DIPK1A: variants seen among roughly 807,000 people sequenced by gnomAD.
DIPK1A encodes the protein family with sequence similarity 69 member A.
A neutral mutation model predicts 40.8 loss-of-function variants in DIPK1A; 27 were observed. The observed-to-expected ratio is 0.66, with a 90% CI of 0.49 to 0.91. DIPK1A has a LOEUF of 0.91. Ranked by LOEUF, DIPK1A falls within the 40% of genes least tolerant of loss-of-function variation. DIPK1A has a pLI of 0.00. For missense variants in DIPK1A, 412 were observed against 505.7 expected, an observed-to-expected ratio of 0.81 and a Z score of 1.78; for synonymous variants, 166 against 171.3, an observed-to-expected ratio of 0.97 and a Z score of 0.24.
chr1:92,920,646 A>G (rs1650235158), intron 1 of DIPK1A, among the ~76,000 whole-genome samples: 2 of 152,210 alleles, frequency 1.3e-5, no homozygotes, highest in African/African-American at 4.8e-5. Context: ...TAGAAGATTA[A>G]CAGATGTTTT....
chr1:92,866,236 C>T (rs533235764), intron 2 of DIPK1A, among the ~76,000 whole-genome samples: 4 of 152,096 alleles, frequency 2.6e-5, no homozygotes, highest in Non-Finnish European at 4.4e-5. Context: ...TGAGTAGCTG[C>T]GATTATAGGC....
intron 1 of DIPK1A, among the ~76,000 whole-genome samples, chr1:92,881,077 G>A (rs1648349837): frequency 7.2e-6 from 1 of 138,036 alleles, no homozygotes; most frequent in Non-Finnish European, 1.5e-5. Context: ...GGAGGCTGAG[G>A]CAGGAGAATC....
At chr1:92,841,752 C>G, downstream of DIPK1A, 1 of 1,566,140 alleles carries the variant, frequency 6.4e-7, no homozygotes, top group South Asian at 1.1e-5. Flanking sequence ...AATATATATT[C>G]CTATCTTTTG....
intron 4 of DIPK1A, among the ~76,000 whole-genome samples, chr1:92,846,826 T>TATAC (rs1687631092): frequency 1.4e-4 from 1 of 7,222 alleles, no homozygotes; most frequent in Non-Finnish European, 1.9e-4. Flanking sequence ...TATATATATA[T>TATAC]ATATATATAT....
rs991434991 is a variant in DIPK1A, at chr1:92,953,219, G to A, written c.54+8157C>T. On this transcript the variant is annotated intron_variant, in intron 1 of 4. Transcript: ENST00000370310. Reference sequence around the variant, plus strand: ...AAACTAAAACAAGGTATCAGCTCACGCCCGTGAGAATGGTCACTCTTAAAA... The same window carrying A: ...AAACTAAAACAAGGTATCAGCTCACACCCGTGAGAATGGTCACTCTTAAAA... Among the ~76,000 whole-genome samples, 42 of 150,116 alleles carry A rather than the reference G, an allele frequency of 2.8e-4. 1 individual carries two copies. Among genetic ancestry groups the A allele is most frequent in the African/African-American group, 9.8e-4 (40 of 40,712 alleles).
At chr1:92,912,631 G>T (rs1227284411) in intron 1 of DIPK1A, among the ~76,000 whole-genome samples, 1 of 152,112 alleles carries the variant, frequency 6.6e-6, no homozygotes, top group East Asian at 1.9e-4. Context: ...TGAGTCCAAA[G>T]ATCTAGAGCT....
chr1:92,961,272 A>C (rs1432779834), intron 1 of DIPK1A, 104 bp downstream of exon 1: 12 of 783,528 alleles, frequency 1.5e-5, no homozygotes, highest in Non-Finnish European at 1.7e-5. Context: ...TCGGGCGGGC[A>C]CAGACCCAGG....
At chr1:92,859,679 T>G (rs1162489381) in intron 2 of DIPK1A, among the ~76,000 whole-genome samples, 5 of 152,180 alleles carry the variant, frequency 3.3e-5, no homozygotes, top group Non-Finnish European at 5.9e-5. Context: ...GACTTGTTAA[T>G]TAGGAAATCT....
chr1:92,838,486 G>GT (rs1213790927), downstream of DIPK1A, among the ~76,000 whole-genome samples: 1 of 152,194 alleles, frequency 6.6e-6, no homozygotes, highest in Non-Finnish European at 1.5e-5. Context: ...CAGACTCCCA[G>GT]TTTGTGCTTT....
chr1:92,917,283 T>C (rs1202520393), intron 1 of DIPK1A, among the ~76,000 whole-genome samples: 2 of 152,214 alleles, frequency 1.3e-5, no homozygotes, highest in African/African-American at 4.8e-5. Context: ...AAGTTGTTTC[T>C]CAAAAATAGA....
At chr1:92,896,269 A>T (rs1649162870) in intron 1 of DIPK1A, among the ~76,000 whole-genome samples, 1 of 152,244 alleles carries the variant, frequency 6.6e-6, no homozygotes, top group South Asian at 2.1e-4. Context: ...ACAAGGCTAC[A>T]GTAACCAAAA....
chr1:92,865,825 T>C (rs1038697533), intron 2 of DIPK1A, among the ~76,000 whole-genome samples: 3 of 152,216 alleles, frequency 2.0e-5, no homozygotes, highest in Middle Eastern at 3.2e-3. Flanking sequence ...AATATTAATA[T>C]TCTATAGTGA....
chr1:92,856,934 G>A (rs1688005695), intron 2 of DIPK1A, among the ~76,000 whole-genome samples: 1 of 152,140 alleles, frequency 6.6e-6, no homozygotes, highest in Admixed American at 6.5e-5. Flanking sequence ...GTTGAATAAA[G>A]TGGTATATTC....
intron 1 of DIPK1A, among the ~76,000 whole-genome samples, chr1:92,924,284 G>A (rs1171973063): frequency 6.6e-6 from 1 of 151,822 alleles, no homozygotes; most frequent in African/African-American, 2.4e-5. Flanking sequence ...TGAGAATAGG[G>A]AGCTTTTACT....
At chr1:92,882,884 A>G (rs1648440926) in intron 1 of DIPK1A, among the ~76,000 whole-genome samples, 1 of 152,214 alleles carries the variant, frequency 6.6e-6, no homozygotes, top group South Asian at 2.1e-4. Flanking sequence ...GAATGTTTGA[A>G]AGAGACTTTG....
At chr1:92,880,719 A>C (rs1648326909) in intron 1 of DIPK1A, among the ~76,000 whole-genome samples, 1 of 151,836 alleles carries the variant, frequency 6.6e-6, no homozygotes. Flanking sequence ...ATACAAAAAA[A>C]ATTGGCTGGG....
Position 92,959,902 on chromosome 1 carries a change from A to ATTTTTTTTTTTTTTTTTTTTTTT in DIPK1A, c.54+1473_54+1474insAAAAAAAAAAAAAAAAAAAAAAA, listed in dbSNP as rs1557502636. ...AGCTGGGACCACAGGCACCCAACCA[A>ATTTTTTTTTTTTTTTTTTTTTTT]CTTTTTTTTTTTTTTTTTTTTTTTT... On this transcript the variant is annotated intron_variant, in intron 1 of 4. Coordinates refer to ENST00000370310, the MANE Select transcript of DIPK1A (RefSeq NM_001006605.5). Among the ~76,000 whole-genome samples, 396 of 43,092 alleles carry ATTTTTTTTTTTTTTTTTTTTTTT rather than the reference A, an allele frequency of 9.2e-3. 46 individuals carry two copies. The highest frequency in any genetic ancestry group is 0.013 in the Middle Eastern group (1 of 78). 28.3% of individuals were successfully genotyped at this position (43,092 alleles called of 152,430 possible).
At chr1:92,848,328 G>T (rs1407187599) in intron 3 of DIPK1A, among the ~76,000 whole-genome samples, 1 of 152,098 alleles carries the variant, frequency 6.6e-6, no homozygotes, top group Admixed American at 6.6e-5. Context: ...TTCCATGACC[G>T]GTTGGGCTCC....
intron 1 of DIPK1A, among the ~76,000 whole-genome samples, chr1:92,950,981 G>A (rs1246465667): frequency 6.6e-6 from 1 of 152,100 alleles, no homozygotes; most frequent in Non-Finnish European, 1.5e-5. Context: ...ATCTTCCTGT[G>A]GAGGCAGAAT....
Sources: gnomAD v4.1 joint callset for allele counts (sites outside exome capture counted in the v4.1 genomes callset) on GRCh38, gnomAD v4.1.1 for gene constraint, MANE v1.5 for transcripts, NCBI Gene and HGNC (gene_info 2026-07-23, HGNC 2026-07-21) for gene names.